NEBL: variants seen among roughly 807,000 people sequenced by gnomAD.
The protein encoded by NEBL is LIM and SH3 protein 2.
In NEBL, 122 loss-of-function variants were observed where a neutral mutation model predicts 140.2. The ratio of observed to expected loss-of-function variants is 0.87; its 90% CI spans 0.75 to 1.01. NEBL has a LOEUF of 1.01. Ranked by LOEUF, NEBL falls within the 50% of genes least tolerant of loss-of-function variation. The pLI, the probability that NEBL is intolerant of heterozygous loss-of-function variation, is 0.00. For synonymous variants in NEBL, 436 were observed against 398.9 expected, an observed-to-expected ratio of 1.09 and a Z score of -1.11; for missense variants, 1,365 against 1,231.3, an observed-to-expected ratio of 1.11 and a Z score of -1.62.
At chr10:21,037,910 A>G (rs1262781901) in intron 2 of NEBL, among the ~76,000 whole-genome samples, 1 of 152,170 alleles carries the variant, frequency 6.6e-6, no homozygotes, top group Non-Finnish European at 1.5e-5. Flanking sequence ...AGTAAGAACC[A>G]TTTGCATCTT....
intron 4 of NEBL, among the ~76,000 whole-genome samples, chr10:20,940,924 T>C (rs1449542145): frequency 5.3e-5 from 8 of 152,158 alleles, no homozygotes; most frequent in Non-Finnish European, 7.3e-5. Flanking sequence ...TAACAGGCTC[T>C]GAAATTGAGG....
At chr10:21,212,049 T>G (rs1440537168) in intron 3 of NEBL, among the ~76,000 whole-genome samples, 3 of 151,846 alleles carry the variant, frequency 2.0e-5, no homozygotes, top group African/African-American at 7.3e-5. Flanking sequence ...GTAAATGTTA[T>G]GCATATATTA....
At chr10:20,931,795 C>T (rs971512342) in intron 4 of NEBL, among the ~76,000 whole-genome samples, 9 of 152,114 alleles carry the variant, frequency 5.9e-5, no homozygotes, top group African/African-American at 1.9e-4. Flanking sequence ...CCTTTACATT[C>T]TTATGTGCAT....
chr10:20,972,655 G>A (rs1005780129), intron 3 of NEBL, among the ~76,000 whole-genome samples: 12 of 152,064 alleles, frequency 7.9e-5, no homozygotes, highest in Non-Finnish European at 2.9e-5. Context: ...GCTGAGGCAG[G>A]AGAATTGCTT....
rs1319958246 is a variant in NEBL, at chr10:20,783,916, T to C, written c.*1831A>G. 6.6e-6 allele frequency: 1 copy of C among 152,540 alleles called. No individual in the cohort carries two copies. Among genetic ancestry groups the C allele is most frequent in the African/African-American group, 2.4e-5 (1 of 41,448 alleles). 9.4% of individuals were successfully genotyped at this position (152,540 alleles called of 1,614,324 possible). ...GTCTCTAGTTATTTGCCTGCATTTATTTTTTCAACTTTATGTCAGTGACAT... is the reference window on the plus strand; with the variant it reads ...GTCTCTAGTTATTTGCCTGCATTTACTTTTTCAACTTTATGTCAGTGACAT... On this transcript the variant is annotated 3_prime_UTR_variant, in exon 28 of 28. Coordinates refer to ENST00000377122, the MANE Select transcript of NEBL (RefSeq NM_006393.3).
intron 5 of NEBL, among the ~76,000 whole-genome samples, chr10:20,879,835 A>G (rs1845849218): frequency 6.6e-6 from 1 of 151,874 alleles, no homozygotes; most frequent in Non-Finnish European, 1.5e-5. Flanking sequence ...TTTAAAAAAA[A>G]GCTTTCCCTA....
intron 3 of NEBL, among the ~76,000 whole-genome samples, chr10:21,004,363 G>A (rs1210453466): frequency 6.6e-6 from 1 of 152,116 alleles, no homozygotes; most frequent in East Asian, 1.9e-4. Flanking sequence ...AAAAATGCCA[G>A]GAGTGTTCAT....
intron 2 of NEBL, among the ~76,000 whole-genome samples, chr10:21,109,478 T>C (rs775654785): frequency 6.6e-6 from 1 of 152,208 alleles, no homozygotes; most frequent in African/African-American, 2.4e-5. Context: ...GTTGTGTCTC[T>C]GCCAGGTTTT....
intron 3 of NEBL, among the ~76,000 whole-genome samples, chr10:20,987,536 C>A (rs930377536): frequency 8.5e-5 from 13 of 152,178 alleles, no homozygotes; most frequent in African/African-American, 3.1e-4. Flanking sequence ...CTCCCAAACA[C>A]TATATCCTCC....
At chr10:20,990,512 C>CCAG (rs1323393065) in intron 3 of NEBL, among the ~76,000 whole-genome samples, 3 of 152,128 alleles carry the variant, frequency 2.0e-5, no homozygotes, top group African/African-American at 7.2e-5. Flanking sequence ...AGGGCCCTCA[C>CCAG]CAGACACCAG....
intron 2 of NEBL, among the ~76,000 whole-genome samples, chr10:21,085,516 T>A (rs1836583265): frequency 6.6e-6 from 1 of 152,104 alleles, no homozygotes; most frequent in Non-Finnish European, 1.5e-5. Flanking sequence ...ACACCGATGG[T>A]CCCAGCTACT....
chr10:20,907,543 C>T (rs1848143529), intron 4 of NEBL, among the ~76,000 whole-genome samples: 1 of 152,142 alleles, frequency 6.6e-6, no homozygotes, highest in South Asian at 2.1e-4. Flanking sequence ...ATTTTTACCT[C>T]AGATAACCGA....
intron 2 of NEBL, among the ~76,000 whole-genome samples, chr10:21,159,835 C>G (rs1459159483): frequency 2.0e-5 from 3 of 152,206 alleles, no homozygotes; most frequent in East Asian, 1.9e-4. Flanking sequence ...GTCCCCATCC[C>G]ACGTTGGCAA....
chr10:20,828,714 G>A, intron 16 of NEBL, 80 bp from the exon 17 acceptor site: 1 of 888,980 alleles, frequency 1.1e-6, no homozygotes, highest in Non-Finnish European at 1.8e-6. Context: ...GGCAGGAAAG[G>A]AGGAAGGGAG....
At chr10:21,176,114 C>T (rs943192101), upstream of NEBL, among the ~76,000 whole-genome samples, 1 of 152,048 alleles carries the variant, frequency 6.6e-6, no homozygotes, top group South Asian at 2.1e-4. Context: ...GTGATCCTCC[C>T]GTCTCAGTCT....
intron 3 of NEBL, among the ~76,000 whole-genome samples, chr10:21,185,972 G>A (rs1384392404): frequency 6.6e-6 from 1 of 152,058 alleles, no homozygotes; most frequent in African/African-American, 2.4e-5. Flanking sequence ...GAATTCCAGA[G>A]AAGCTCACTA....
At chr10:20,856,624 A>G (rs1261725160) in intron 9 of NEBL, among the ~76,000 whole-genome samples, 1 of 152,132 alleles carries the variant, frequency 6.6e-6, no homozygotes, top group Admixed American at 6.6e-5. Flanking sequence ...CTCAAGGAAT[A>G]GAGGAATGTA....
chr10:21,165,261 T>C (rs1389848227), intron 2 of NEBL, among the ~76,000 whole-genome samples: 1 of 152,218 alleles, frequency 6.6e-6, no homozygotes, highest in Non-Finnish European at 1.5e-5. Flanking sequence ...TTTAGAAAGA[T>C]GTCACATTTT....
chr10:20,815,827 G>A, intron 21 of NEBL, 110 bp from the exon 22 acceptor site: 1 of 798,894 alleles, frequency 1.3e-6, no homozygotes, highest in Non-Finnish European at 2.1e-6. Flanking sequence ...GAAGTGCAGT[G>A]GTACAATCTT....
Sources: allele counts gnomAD v4.1 joint callset (sites outside exome capture counted in the v4.1 genomes callset), GRCh38; gene constraint gnomAD v4.1.1; transcripts MANE v1.5; gene names NCBI Gene and HGNC (gene_info 2026-07-23, HGNC 2026-07-21).